The following SPEF2 variants were observed in gnomAD, a reference collection of about 807,000 sequenced individuals.
SPEF2 encodes the protein sperm flagellar and cilia associated 2.
Under a neutral mutation model 224.6 loss-of-function variants are expected in SPEF2, and 187 were observed. That is an observed-to-expected ratio of 0.83 (90% CI 0.74 to 0.94). The LOEUF (loss-of-function observed/expected upper bound fraction) is 0.94. Ranked by LOEUF, SPEF2 falls within the 40% of genes least tolerant of loss-of-function variation. SPEF2 has a pLI of 0.00. For synonymous variants in SPEF2, 715 were observed against 707.3 expected (o/e 1.01, Z -0.17); for missense variants, 2,170 against 2,135.6 (o/e 1.02, Z -0.32).
chr5:35,812,767 A>G (rs1225909618), intron 36 of SPEF2, among the ~76,000 whole-genome samples: 3 of 152,238 alleles, frequency 2.0e-5, no homozygotes, highest in Non-Finnish European at 2.9e-5. Flanking sequence ...TATCTTATAA[A>G]CAAATGAATC....
chr5:35,811,297 C>T (rs966240144), intron 36 of SPEF2, among the ~76,000 whole-genome samples: 3 of 151,962 alleles, frequency 2.0e-5, no homozygotes, highest in Non-Finnish European at 4.4e-5. Context: ...AGAGCAAAAG[C>T]TAGAGTGTGG....
intron 30 of SPEF2, chr5:35,789,414 C>G (rs760678676): frequency 1.3e-4 from 87 of 692,010 alleles, no homozygotes; most frequent in Non-Finnish European, 1.8e-4. Context: ...TCAAACTAGA[C>G]AGTTTGACTT....
chr5:35,807,808 A>C, intron 36 of SPEF2: 1 of 1,534,802 alleles, frequency 6.5e-7, no homozygotes, highest in Non-Finnish European at 8.7e-7. Context: ...ATAACCACCA[A>C]GCAGGTCTGG....
intron 3 of SPEF2, among the ~76,000 whole-genome samples, chr5:35,643,302 C>A (rs1373096445): frequency 6.6e-6 from 1 of 152,078 alleles, no homozygotes; most frequent in African/African-American, 2.4e-5. Flanking sequence ...ACAGGAAAAG[C>A]CCCAACCCTC....
chr5:35,738,289 A>G (rs1382614862), intron 21 of SPEF2, among the ~76,000 whole-genome samples: 1 of 151,986 alleles, frequency 6.6e-6, no homozygotes, highest in Non-Finnish European at 1.5e-5. Context: ...GTCCTTGCCC[A>G]TGCCTGTGTC....
chr5:35,799,831 T>C, intron 33 of SPEF2, 137 bp from the exon 34 acceptor site: 1 of 843,366 alleles, frequency 1.2e-6, no homozygotes, highest in Non-Finnish European at 1.9e-6. Flanking sequence ...ATACCATTCA[T>C]TATATGTTAG....
At chr5:35,620,577 C>T (rs1004822702) in intron 1 of SPEF2, among the ~76,000 whole-genome samples, 14 of 152,042 alleles carry the variant, frequency 9.2e-5, no homozygotes, top group Admixed American at 6.5e-5. Context: ...TGAACAAAGA[C>T]GTTTATTGCT....
At chr5:35,618,933 C>T (rs1371722318) in intron 1 of SPEF2, among the ~76,000 whole-genome samples, 1 of 151,744 alleles carries the variant, frequency 6.6e-6, no homozygotes, top group African/African-American at 2.4e-5. Context: ...GTCCATTTTC[C>T]CAGAAGAACT....
Position 35,730,430 on chromosome 5 carries a change from G to C in SPEF2, c.3063+2607G>C, listed in dbSNP as rs114771610. ...ACTCACATTCAACCAACCTGTAGCA[G>C]CACTCCTCCCTGAAACTGGGCCCAG... On this transcript the variant is annotated intron_variant, in intron 21 of 36. Transcript: ENST00000356031. Among the ~76,000 whole-genome samples, 1,369 of 152,338 alleles carry C rather than the reference G, an allele frequency of 9.0e-3. 18 individuals carry two copies. The highest frequency in any genetic ancestry group is 0.032 in the African/African-American group (1,334 of 41,576).
chr5:35,788,837 C>T, intron 30 of SPEF2: 1 of 702,896 alleles, frequency 1.4e-6, no homozygotes, highest in Non-Finnish European at 2.6e-6. Context: ...TGTCAAAGAC[C>T]TCCTTCACAG....
At chr5:35,771,544 C>T (rs1345577675) in intron 26 of SPEF2, 65 bp from the exon 27 acceptor site, 7 of 1,554,390 alleles carry the variant, frequency 4.5e-6, no homozygotes, top group Non-Finnish European at 6.1e-6. Context: ...GTAATGACTA[C>T]ATCCAAATGG....
intron 36 of SPEF2, 36 bp downstream of exon 36, chr5:35,807,289 G>T (rs1320890239): frequency 6.3e-7 from 1 of 1,595,558 alleles, no homozygotes; most frequent in Non-Finnish European, 8.5e-7. Flanking sequence ...ATTTGGTTGG[G>T]CTCCAGTTCA....
intron 33 of SPEF2, among the ~76,000 whole-genome samples, chr5:35,796,262 A>C (rs184739520): frequency 6.6e-5 from 10 of 152,306 alleles, no homozygotes. Flanking sequence ...CCTCAATAAT[A>C]GCATCTTATG....
At chr5:35,740,363 T>TGAGG in intron 23 of SPEF2, 96 bp downstream of exon 23, 3 of 1,485,098 alleles carry the variant, frequency 2.0e-6, no homozygotes, top group South Asian at 2.4e-5. Flanking sequence ...TTGTGAAGTA[T>TGAGG]GAGGATGAGA....
At chr5:35,630,468 G>A (rs544877150) in intron 2 of SPEF2, among the ~76,000 whole-genome samples, 3 of 152,182 alleles carry the variant, frequency 2.0e-5, no homozygotes, top group East Asian at 3.9e-4. Context: ...AGGCTGAGGC[G>A]GGTGGATCAC....
intron 30 of SPEF2, chr5:35,790,507 G>T: frequency 2.4e-6 from 1 of 419,418 alleles, no homozygotes; most frequent in East Asian, 3.5e-5. Flanking sequence ...TCAAACAAAA[G>T]GCATTTGGCT....
At chr5:35,810,444 C>T (rs1234389090) in intron 36 of SPEF2, among the ~76,000 whole-genome samples, 1 of 152,158 alleles carries the variant, frequency 6.6e-6, no homozygotes, top group Non-Finnish European at 1.5e-5. Flanking sequence ...AACTCCTGAC[C>T]TCAGGCGATC....
chr5:35,731,515 T>C (rs982607247), intron 21 of SPEF2, among the ~76,000 whole-genome samples: 1 of 141,818 alleles, frequency 7.1e-6, no homozygotes. Context: ...CTTCATTGGA[T>C]TTTTTAGTAT....
In SPEF2 at chr5:35,773,901, C is replaced by T. The variant is rs544855327; in HGVS notation, c.3958C>T (p.Pro1320Ser). 1.2e-6 allele frequency: 2 copies of T among 1,611,754 alleles called. No homozygotes were observed. The highest frequency in any genetic ancestry group is 1.7e-6 in the Non-Finnish European group (2 of 1,179,084). The change falls in exon 28 of 37, where the codon CCA becomes TCA. Residue 1320 changes from proline (P) to serine (S), a missense_variant. Coordinates refer to ENST00000356031, the MANE Select transcript of SPEF2 (RefSeq NM_024867.4). ...TTTCATTGCCCTTTCAGGTAAATCA[C>T]CACCTATGGCAGAAGCAACTCCTGT... ...QEDKKPKGKS[P>S]PMAEATPVIV...
Sources: gnomAD v4.1 joint callset for allele counts (sites outside exome capture counted in the v4.1 genomes callset) on GRCh38, gnomAD v4.1.1 for gene constraint, MANE v1.5 for transcripts, NCBI Gene and HGNC (gene_info 2026-07-23, HGNC 2026-07-21) for gene names.